Variants in MEX3D observed in about 807,000 individuals in gnomAD.
MEX3D encodes mex-3 RNA binding family member D.
In MEX3D, 4 loss-of-function variants were observed where a neutral mutation model predicts 6.3. The ratio of observed to expected loss-of-function variants is 0.64; its 90% CI spans 0.31 to 1.46. MEX3D has a LOEUF of 1.46. Ranked by LOEUF, MEX3D falls within the 40% of genes most tolerant of loss-of-function variation. The pLI is 0.07. For missense variants in MEX3D, 1,038 were observed against 994.4 expected (o/e 1.04, Z -0.59); for synonymous variants, 626 against 494.1 (o/e 1.27, Z -3.54).
At chr19:1,560,516 G>A (rs952683796) in intron 1 of MEX3D, among the ~76,000 whole-genome samples, 1 of 152,216 alleles carries the variant, frequency 6.6e-6, no homozygotes, top group Non-Finnish European at 1.5e-5. Flanking sequence ...GGGAGAGGCT[G>A]CCCCGACGTG....
At chr19:1,558,517 G>A (rs1471407444) in intron 1 of MEX3D, among the ~76,000 whole-genome samples, 1 of 152,044 alleles carries the variant, frequency 6.6e-6, no homozygotes, top group Non-Finnish European at 1.5e-5. Context: ...CCCACACCTT[G>A]ACTTGGAACT....
intron 1 of MEX3D, among the ~76,000 whole-genome samples, chr19:1,558,839 G>A (rs996646867): frequency 2.6e-5 from 4 of 152,234 alleles, no homozygotes; most frequent in Non-Finnish European, 4.4e-5. Context: ...TGTTGGCTGG[G>A]CTGGGGGTCT....
chr19:1,555,484 C>A lies in MEX3D; in HGVS notation c.*79G>T. ...CCCCTCGCCCCCTCCCCGTCCCTCT[C>A]CCACCCCGGGTCCCGCCCCGTCTCC... On this transcript the variant is annotated 3_prime_UTR_variant, in exon 2 of 2. Transcript: ENST00000402693. The A allele has an allele frequency of 1.4e-6, 2 of 1,417,708 alleles. No individual in the cohort carries two copies. Among genetic ancestry groups the A allele is most frequent in the South Asian group, 1.3e-5 (1 of 78,140 alleles). 87.8% of individuals were successfully genotyped at this position (1,417,708 alleles called of 1,614,324 possible).
rs60802257 is a variant in MEX3D, at chr19:1,555,034, G to GCCCC, written c.*525_*528dup. The GCCCC allele has an allele frequency of 9.6e-6, 1 of 103,742 alleles. No homozygotes were observed. The highest frequency in any genetic ancestry group is 3.1e-5 in the African/African-American group (1 of 32,740). The allele number at this position is 103,742 out of a possible 1,614,324, so 6.4% of individuals were successfully genotyped here. On this transcript the variant is annotated 3_prime_UTR_variant, in exon 2 of 2. Transcript: ENST00000402693. ...GAACGCCCCTCGCCCCCGCCCCCCT[G>GCCCC]CCCCCTCCGGCCGCGCACGGTTGAT...
intron 1 of MEX3D, among the ~76,000 whole-genome samples, chr19:1,565,755 G>A (rs549580721): frequency 6.6e-6 from 1 of 152,346 alleles, no homozygotes; most frequent in South Asian, 2.1e-4. Context: ...AGTGGGTGCA[G>A]AACGCACAGG....
intron 1 of MEX3D, among the ~76,000 whole-genome samples, chr19:1,565,815 C>T (rs962061853): frequency 2.0e-5 from 3 of 152,232 alleles, no homozygotes; most frequent in Non-Finnish European, 2.9e-5. Context: ...TTCCCATGGA[C>T]CTGCCCCTAG....
At chr19:1,558,391 GACAC>G (rs1328814583) in intron 1 of MEX3D, among the ~76,000 whole-genome samples, 10 of 149,632 alleles carry the variant, frequency 6.7e-5, no homozygotes, top group East Asian at 2.0e-4. Flanking sequence ...AAAAAAAAAA[GACAC>G]ACACACACAG....
intron 1 of MEX3D, among the ~76,000 whole-genome samples, chr19:1,564,341 T>G (rs1325233253): frequency 6.6e-6 from 1 of 150,730 alleles, no homozygotes; most frequent in Non-Finnish European, 1.5e-5. Context: ...GAGACCAGCC[T>G]GGCCAACATG....
chr19:1,562,524 CAAAAGAAAAG>C (rs367551203), intron 1 of MEX3D, among the ~76,000 whole-genome samples: 2 of 151,256 alleles, frequency 1.3e-5, no homozygotes, highest in African/African-American at 4.9e-5. Context: ...GACTCCGCCT[CAAAAGAAAAG>C]AAAAGAAAAG....
chr19:1,566,906 TC>T (rs1914855501), intron 1 of MEX3D, among the ~76,000 whole-genome samples: 1 of 151,878 alleles, frequency 6.6e-6, no homozygotes, highest in Non-Finnish European at 1.5e-5. Flanking sequence ...GGCCCCGAAA[TC>T]CCTGACTCGG....
At chr19:1,559,850 C>T (rs1437798819) in intron 1 of MEX3D, among the ~76,000 whole-genome samples, 4 of 152,088 alleles carry the variant, frequency 2.6e-5, no homozygotes, top group Admixed American at 6.5e-5. Context: ...TGCACCCACT[C>T]GGAGGAGGAC....
In MEX3D at chr19:1,556,115, G is replaced by A. The variant is rs191813119; in HGVS notation, c.1404C>T (p.Ala468=). 243 of 1,457,724 alleles carry A rather than the reference G, an allele frequency of 1.7e-4. No individual in the cohort carries two copies. The African/African-American group carries it at 2.7e-3, about 16-fold the overall frequency. The allele number at this position is 1,457,724 out of a possible 1,614,324, so 90.3% of individuals were successfully genotyped here. A position where few individuals can be genotyped will look rare whatever the true frequency, so the allele number is the denominator to read the frequency against. The change falls in exon 2 of 2, where the codon GCC becomes GCT. Residue 468 remains alanine, a synonymous_variant. Transcript: ENST00000402693. The surrounding 1 kb of genome is among the most constrained non-coding windows in gnomAD (Gnocchi z 7.5). Reference sequence around the variant, plus strand: ...CAAAAGGCGCCCAGATGGTGGCCGCGGCGGGCACGGTCAGGTCCAGCGCCA... The same window carrying A: ...CAAAAGGCGCCCAGATGGTGGCCGCAGCGGGCACGGTCAGGTCCAGCGCCA... ...DFLALDLTVP[A]AATIWAPFER...
rs1406597350 is a variant in MEX3D, at chr19:1,567,229, C to G, written c.595+235G>C. On this transcript the variant is annotated intron_variant, in intron 1 of 1. Transcript: ENST00000402693. This position sits in a 1 kb window ranked among gnomAD's most constrained non-coding sequence, Gnocchi z 6.5. ...CTTTCCGGGCTGGAGGCGGCCCAGACAAAGGCGGCGGCGGGGCCGGAGCGC... is the reference window on the plus strand; with the variant it reads ...CTTTCCGGGCTGGAGGCGGCCCAGAGAAAGGCGGCGGCGGGGCCGGAGCGC... Among the ~76,000 whole-genome samples, 3 of 151,906 alleles carry G rather than the reference C, an allele frequency of 2.0e-5. No homozygotes were observed. The highest frequency in any genetic ancestry group is 4.4e-5 in the Non-Finnish European group (3 of 67,948).
At chr19:1,562,323 G>A (rs142573994) in intron 1 of MEX3D, among the ~76,000 whole-genome samples, 74 of 143,382 alleles carry the variant, frequency 5.2e-4, no homozygotes, top group African/African-American at 1.8e-3. Flanking sequence ...TCAGGAGTTC[G>A]AGACCAGACT....
intron 1 of MEX3D, among the ~76,000 whole-genome samples, chr19:1,558,491 G>A (rs1192855493): frequency 1.3e-5 from 2 of 151,920 alleles, no homozygotes; most frequent in African/African-American, 2.4e-5. Flanking sequence ...GGAAACTGAA[G>A]GCGCCCCCCG....
Position 1,555,093 on chromosome 19 carries a change from G to A in MEX3D, c.*470C>T, listed in dbSNP as rs1022962548. 3 of 240,200 alleles carry A rather than the reference G, an allele frequency of 1.2e-5. No homozygotes were observed. Among genetic ancestry groups the A allele is most frequent in the African/African-American group, 2.5e-5 (1 of 39,894 alleles). 14.9% of individuals were successfully genotyped at this position (240,200 alleles called of 1,614,324 possible). On this transcript the variant is annotated 3_prime_UTR_variant, in exon 2 of 2. Transcript: ENST00000402693. ...GCATAAATGGTTAGCCCCAAAAAGG[G>A]AGTAAAAATGTCACCCTCCTCCTCT... is the stretch of plus-strand genomic sequence containing the variant.
At chr19:1,561,531 G>T (rs1204052577) in intron 1 of MEX3D, among the ~76,000 whole-genome samples, 1 of 152,158 alleles carries the variant, frequency 6.6e-6, no homozygotes, top group African/African-American at 2.4e-5. Flanking sequence ...GTCAAACAGG[G>T]ATGTCAAAAC....
At chr19:1,564,639 C>G (rs1458321451) in intron 1 of MEX3D, among the ~76,000 whole-genome samples, 2 of 151,964 alleles carry the variant, frequency 1.3e-5, no homozygotes, top group Non-Finnish European at 2.9e-5. Flanking sequence ...AGAAAGCACT[C>G]GGACCCCCTC....
rs776710294 is a variant in MEX3D at position 1,555,307 on chromosome 19, T to C, written c.*256A>G. The stretch of plus-strand genomic sequence containing the variant: ...AAAAAGTGCAAGCGGACCTTTTCTC[T>C]CCGGTTTATTGTAACCTGACCACTC... On this transcript the variant is annotated 3_prime_UTR_variant, in exon 2 of 2. Transcript: ENST00000402693. The C allele has an allele frequency of 1.9e-6, 3 of 1,586,042 alleles. No homozygotes were observed. The East Asian group carries it at 7.1e-5, about 37-fold the overall frequency.
Sources: gnomAD v4.1 joint callset for allele counts (sites outside exome capture counted in the v4.1 genomes callset) on GRCh38, gnomAD v4.1.1 for gene constraint, Gnocchi (gnomAD v3.1) non-coding constraint, MANE v1.5 for transcripts, NCBI Gene and HGNC (gene_info 2026-07-23, HGNC 2026-07-21) for gene names.